The following TOB2 variants were observed in gnomAD, a reference collection of about 807,000 sequenced individuals.
The protein encoded by TOB2 is protein Tob2.
A neutral mutation model predicts 17.3 loss-of-function variants in TOB2; 3 were observed. The ratio of observed to expected loss-of-function variants is 0.17; its 90% CI spans 0.08 to 0.45. TOB2 has a LOEUF of 0.45. Among genes scored for constraint, TOB2 ranks in the 20% least tolerant of loss-of-function variants. The pLI is 0.99. For missense variants in TOB2, 407 were observed against 445.7 expected (o/e 0.91, Z 0.78); for synonymous variants, 163 against 185.6 (o/e 0.88, Z 0.99).
At position 41,436,430 on chromosome 22, in the gene TOB2, C is replaced by T. The variant is rs2037548129; in HGVS notation, c.916G>A (p.Gly306Arg). The change falls in exon 2 of 2, where the codon GGA (glycine) becomes AGA (arginine). Residue 306 changes from glycine to arginine, a missense_variant. Physicochemically the swap from Gly to Arg is moderately radical, Grantham distance 125. Coordinates refer to ENST00000327492, the MANE Select transcript of TOB2 (RefSeq NM_016272.4). This position sits in a 1 kb window ranked among gnomAD's most constrained non-coding sequence, Gnocchi z 4.8. The stretch of plus-strand genomic sequence containing the variant: ...AGGAAGAGGCTGTTGGCACCACCTC[C>T]AAATACCTGGGCCATGTCAAAGCTG... ...SSSFDMAQVF[G>R]GGANSLFLEK... 6.2e-7 allele frequency: 1 copy of T among 1,614,074 alleles called. No homozygotes were observed. Among genetic ancestry groups the T allele is most frequent in the Non-Finnish European group, 8.5e-7 (1 of 1,180,028 alleles).
chr22:41,438,630 C>CAAAAAAAAAAAAAAAAAAAAAAAA (rs749494672), intron 1 of TOB2, among the ~76,000 whole-genome samples: 3 of 12,692 alleles, frequency 2.4e-4, no homozygotes, highest in African/African-American at 3.7e-4. Context: ...AACTCTGTCT[C>CAAAAAAAAAAAAAAAAAAAAAAAA]AAAAAAAAAA....
rs752507558 is a variant in TOB2 at position 41,436,283 on chromosome 22, G to A, written c.*28C>T. 2.0e-6 allele frequency: 3 copies of A among 1,516,912 alleles called. No homozygotes were observed. The highest frequency in any genetic ancestry group is 2.3e-5 in the East Asian group (1 of 43,998). 94.0% of individuals were successfully genotyped at this position (1,516,912 alleles called of 1,614,324 possible). ...CTTTCTCTTTTCTGTGGTCTTGGGT[G>A]CTCCTGGCCCCACGGGCAGGTAGAT... On this transcript the variant is annotated 3_prime_UTR_variant, in exon 2 of 2. Transcript: ENST00000327492. The surrounding 1 kb of genome is among the most constrained non-coding windows in gnomAD (Gnocchi z 4.8).
In TOB2 at chr22:41,433,837, CT is replaced by C; in HGVS notation, c.*2473del. 1 of 460,164 alleles carries C rather than the reference CT, an allele frequency of 2.2e-6. No individual in the cohort carries two copies. Among genetic ancestry groups the C allele is most frequent in the South Asian group, 1.7e-5 (1 of 59,302 alleles). 28.5% of individuals were successfully genotyped at this position (460,164 alleles called of 1,614,324 possible). On this transcript the variant is annotated 3_prime_UTR_variant, in exon 2 of 2. Coordinates refer to ENST00000327492, the MANE Select transcript of TOB2 (RefSeq NM_016272.4). ...TTCCATTCTTCAGAAGATAATCCAC[CT>C]TTTGATTTGTTCCTGGGAAAGAGGG...
At chr22:41,445,135 T>C (rs2037668388) in intron 1 of TOB2, among the ~76,000 whole-genome samples, 1 of 152,260 alleles carries the variant, frequency 6.6e-6, no homozygotes, top group African/African-American at 2.4e-5. Flanking sequence ...ACCCCATTTC[T>C]AATCGAAGAC....
intron 1 of TOB2, among the ~76,000 whole-genome samples, chr22:41,442,946 C>T (rs1424037858): frequency 6.6e-6 from 1 of 152,006 alleles, no homozygotes; most frequent in Non-Finnish European, 1.5e-5. Flanking sequence ...TAGGCACAAA[C>T]GGCGAAAAAG....
intron 1 of TOB2, among the ~76,000 whole-genome samples, chr22:41,444,019 C>CTA (rs1555972274): frequency 5.8e-4 from 89 of 152,310 alleles, no homozygotes; most frequent in African/African-American, 2.0e-3. Context: ...AAAAGATACT[C>CTA]AGACACCTCT....
intron 1 of TOB2, among the ~76,000 whole-genome samples, chr22:41,442,006 G>A (rs766325115): frequency 4.0e-5 from 6 of 150,690 alleles, no homozygotes; most frequent in African/African-American, 4.9e-5. Context: ...CAAGAGAATC[G>A]CTTGAACCTG....
rs1439432003 is a variant in TOB2 at position 41,436,574 on chromosome 22, T to C, written c.772A>G (p.Lys258Glu). Residue 258 changes from lysine (K) to glutamate (E), a missense_variant, in exon 2 of 2, where the codon AAG becomes GAG. Physicochemically the swap from Lys to Glu is moderately conservative, Grantham distance 56. Transcript: ENST00000327492. The surrounding 1 kb of genome is among the most constrained non-coding windows in gnomAD (Gnocchi z 4.8). ...CCACCACCGTTGTACACGAACTCCT[T>C]GGCATTGGGTGAGAGCTGGGACTGA... The part of the protein sequence containing the change: ...APQSQLSPNA[K>E]EFVYNGGGSP... 6.2e-7 allele frequency: 1 copy of C among 1,610,408 alleles called. No individual in the cohort carries two copies.
chr22:41,437,504 A>G lies in TOB2; in HGVS notation c.-62-97T>C, dbSNP rs945559944. On this transcript the variant is annotated intron_variant, in intron 1 of 1. Transcript: ENST00000327492. ...AAAGCACCAACTTTGGATCACACAG[A>G]ACCAGGAGCCTATTTCTGCCCCACC... 1.4e-5 allele frequency: 19 copies of G among 1,398,452 alleles called. No individual in the cohort carries two copies. In the African/African-American group the frequency reaches 2.7e-4, roughly 20 times the overall value. The allele number at this position is 1,398,452 out of a possible 1,614,324, so 86.6% of individuals were successfully genotyped here.
chr22:41,434,913 G>A lies in TOB2; in HGVS notation c.*1398C>T, dbSNP rs188276068. 1 of 152,990 alleles carries A rather than the reference G, an allele frequency of 6.5e-6. No individual in the cohort carries two copies. Among genetic ancestry groups the A allele is most frequent in the African/African-American group, 2.4e-5 (1 of 41,530 alleles). The allele number at this position is 152,990 out of a possible 1,614,324, so 9.5% of individuals were successfully genotyped here. ...CGCAGCATCAAGGTCCAGTGGGGTT[G>A]GGTCAGGGCAGTGAGAAGGGGTGGC... On this transcript the variant is annotated 3_prime_UTR_variant, in exon 2 of 2. Transcript: ENST00000327492.
At chr22:41,445,184 T>G (rs1287354999) in intron 1 of TOB2, among the ~76,000 whole-genome samples, 1 of 152,164 alleles carries the variant, frequency 6.6e-6, no homozygotes, top group African/African-American at 2.4e-5. Context: ...AGGAAAAGGT[T>G]CCCAGGCAGA....
Position 41,436,368 on chromosome 22 carries a change from G to T in TOB2, c.978C>A (p.Asn326Lys), listed in dbSNP as rs1371999415. The T allele has an allele frequency of 1.2e-6, 2 of 1,611,620 alleles. No individual in the cohort carries two copies. The highest frequency in any genetic ancestry group is 2.7e-5 in the African/African-American group (2 of 74,914). The change falls in exon 2 of 2, where the codon AAC (asparagine) becomes AAA (lysine). Residue 326 changes from asparagine to lysine, a missense_variant. By Grantham distance (94) the Asn-to-Lys change is moderately conservative. Transcript: ENST00000327492. This position sits in a 1 kb window ranked among gnomAD's most constrained non-coding sequence, Gnocchi z 4.8. Reference protein sequence around the residue: ...KTPFVEGLSYNLNTMQYPSQQ... With the variant: ...KTPFVEGLSYKLNTMQYPSQQ... ...GGCTGGGATACTGCATGGTGTTCAGGTTGTAGCTGAGGCCTTCCACAAAGG... is the reference window on the plus strand; with the variant it reads ...GGCTGGGATACTGCATGGTGTTCAGTTTGTAGCTGAGGCCTTCCACAAAGG...
intron 1 of TOB2, among the ~76,000 whole-genome samples, chr22:41,443,983 A>G (rs1403589701): frequency 6.6e-6 from 1 of 152,206 alleles, no homozygotes; most frequent in African/African-American, 2.4e-5. Flanking sequence ...GATAATGGTG[A>G]TGGAATCCAC....
intron 1 of TOB2, among the ~76,000 whole-genome samples, chr22:41,443,987 A>C (rs1465158636): frequency 6.6e-6 from 1 of 152,208 alleles, no homozygotes; most frequent in Non-Finnish European, 1.5e-5. Context: ...ATGGTGATGG[A>C]ATCCACTGAG....
Position 41,436,520 on chromosome 22 carries a change from C to G in TOB2, c.826G>C (p.Asp276His). The G allele has an allele frequency of 6.2e-7, 1 of 1,612,026 alleles. No individual in the cohort carries two copies. The highest frequency in any genetic ancestry group is 1.1e-5 in the South Asian group (1 of 90,868). Reference protein sequence around the residue: ...GSPSLFFDAADGQGSGTPGPF... With the variant: ...GSPSLFFDAAHGQGSGTPGPF... The stretch of plus-strand genomic sequence containing the variant: ...CCTGGGGTGCCGCTGCCCTGGCCAT[C>G]GGCCGCATCAAAGAAGAGGCTGGGT... The change falls in exon 2 of 2, where the codon GAT becomes CAT. Residue 276 changes from aspartate (D) to histidine (H), a missense_variant. Transcript: ENST00000327492. This position sits in a 1 kb window ranked among gnomAD's most constrained non-coding sequence, Gnocchi z 4.8.
chr22:41,434,639 TG>T lies in TOB2; in HGVS notation c.*1671del, dbSNP rs2037525824. On this transcript the variant is annotated 3_prime_UTR_variant, in exon 2 of 2. Transcript: ENST00000327492. ...ATAACAGTTGCCTACTTGGGGTCCC[TG>T]GGTAGGATGGAGTGGGTGGGGTGCC... The T allele has an allele frequency of 6.6e-6, 1 of 152,636 alleles. No homozygotes were observed. The allele number at this position is 152,636 out of a possible 1,614,324, so 9.5% of individuals were successfully genotyped here.
At chr22:41,439,576 C>A (rs774120189) in intron 1 of TOB2, among the ~76,000 whole-genome samples, 2 of 152,044 alleles carry the variant, frequency 1.3e-5, no homozygotes, top group African/African-American at 2.4e-5. Context: ...ACTGCAGTGG[C>A]GTGATCTTGG....
rs1569269167 is a variant in TOB2 at position 41,436,829 on chromosome 22, G to A, written c.517C>T (p.Pro173Ser). The A allele has an allele frequency of 1.9e-6, 3 of 1,614,050 alleles. No individual in the cohort carries two copies. Among genetic ancestry groups the A allele is most frequent in the Non-Finnish European group, 2.5e-6 (3 of 1,179,938 alleles). Residue 173 changes from proline (P) to serine (S), a missense_variant, in exon 2 of 2, where the codon CCC becomes TCC. Physicochemically the swap from Pro to Ser is moderately conservative, Grantham distance 74. Transcript: ENST00000327492. The surrounding 1 kb of genome is among the most constrained non-coding windows in gnomAD (Gnocchi z 4.8). ...SPTFIPRSAQ[P>S]ITFTTASFAA... is the part of the protein sequence containing the mutation. ...AAGGAGGCGGTGGTGAAGGTGATGG[G>A]CTGAGCGGAGCGGGGAATGAAGGTA...
rs769791615 is a variant in TOB2, at chr22:41,436,695, AGGCTGCTGTGGT to A, written c.639_650del (p.Pro214_Pro217del). ...TGTTGGTGGGTGAGCGGGCCATGCG[AGGCTGCTGTGGT>A]GGCTGCTGGCCACCCGCCCCACTGC... On this transcript the variant is annotated inframe_deletion, in exon 2 of 2. Transcript: ENST00000327492. This position sits in a 1 kb window ranked among gnomAD's most constrained non-coding sequence, Gnocchi z 4.8. 5.8e-5 allele frequency: 94 copies of A among 1,613,508 alleles called. No individual in the cohort carries two copies. The highest frequency in any genetic ancestry group is 7.9e-5 in the Non-Finnish European group (93 of 1,179,858).
Sources: allele counts gnomAD v4.1 joint callset (sites outside exome capture counted in the v4.1 genomes callset), GRCh38; gene constraint gnomAD v4.1.1; non-coding constraint Gnocchi (gnomAD v3.1); transcripts MANE v1.5; gene names NCBI Gene and HGNC (gene_info 2026-07-23, HGNC 2026-07-21).